ASPH: variants seen among roughly 807,000 people sequenced by gnomAD.
ASPH encodes the protein aspartate beta-hydroxylase.
ASPH carries 100 observed loss-of-function variants against 118.4 expected under a neutral mutation model. That is an observed-to-expected ratio of 0.84 (90% CI 0.72 to 1.00). The LOEUF (loss-of-function observed/expected upper bound fraction) is 1.00. ASPH is among the 50% of genes least tolerant of loss of function. The pLI is 0.00. For synonymous variants in ASPH, 315 were observed against 325.6 expected, an observed-to-expected ratio of 0.97 and a Z score of 0.35; for missense variants, 920 against 919.5, an observed-to-expected ratio of 1.00 and a Z score of -0.01.
rs71525458 is a variant in ASPH at position 61,598,202 on chromosome 8, C to G, written c.977-14173G>C. On this transcript the variant is annotated intron_variant, in intron 14 of 24. Coordinates refer to ENST00000379454, the MANE Select transcript of ASPH (RefSeq NM_004318.4). ...TATAATCTGGATAAACTGATAAAAA[C>G]ACATACCACAACTATATTCTGCCTA... is the stretch of plus-strand genomic sequence containing the variant. Among the ~76,000 whole-genome samples the G allele has an allele frequency of 4.5e-3, 686 of 152,188 alleles. 5 individuals carry two copies. Among genetic ancestry groups the G allele is most frequent in the Middle Eastern group, 0.014 (4 of 294 alleles).
chr8:61,564,161 C>A (rs2131588147), intron 17 of ASPH, among the ~76,000 whole-genome samples: 1 of 151,970 alleles, frequency 6.6e-6, no homozygotes, highest in East Asian at 1.9e-4. Flanking sequence ...TTAATGCATC[C>A]TTTTAAAAAA....
At chr8:61,561,519 A>G (rs949100409) in intron 18 of ASPH, among the ~76,000 whole-genome samples, 1 of 152,256 alleles carries the variant, frequency 6.6e-6, no homozygotes, top group Non-Finnish European at 1.5e-5. Flanking sequence ...TCACAATTCA[A>G]TGATTTTCAT....
chr8:61,520,957 G>T (rs1391323826), intron 22 of ASPH, among the ~76,000 whole-genome samples: 1 of 152,142 alleles, frequency 6.6e-6, no homozygotes, highest in Admixed American at 6.5e-5. Context: ...TTATCTTTCT[G>T]GTCTGTAAAC....
At chr8:61,641,529 C>A (rs111861335) in intron 10 of ASPH, among the ~76,000 whole-genome samples, 5 of 152,236 alleles carry the variant, frequency 3.3e-5, no homozygotes, top group African/African-American at 1.2e-4. Flanking sequence ...GGTCCAAATT[C>A]TTTAACTTTT....
intron 14 of ASPH, among the ~76,000 whole-genome samples, chr8:61,590,550 CTGTGTGTG>C (rs5891814): frequency 2.9e-4 from 43 of 146,792 alleles, no homozygotes; most frequent in East Asian, 2.0e-3. Context: ...TAATTTAACT[CTGTGTGTG>C]TGTGTGTGTG....
chr8:61,555,865 T>G, intron 19 of ASPH, 59 bp downstream of exon 19: 1 of 1,429,142 alleles, frequency 7.0e-7, no homozygotes, highest in Non-Finnish European at 9.8e-7. Context: ...TAAGCAAGTG[T>G]GTCCCAATAA....
intron 22 of ASPH, among the ~76,000 whole-genome samples, chr8:61,522,727 C>T (rs1813591858): frequency 6.6e-6 from 1 of 152,120 alleles, no homozygotes; most frequent in Non-Finnish European, 1.5e-5. Context: ...TGAGGCCTCC[C>T]CAGTCATGTG....
intron 16 of ASPH, among the ~76,000 whole-genome samples, chr8:61,573,928 G>C (rs78837892): frequency 6.6e-6 from 1 of 151,904 alleles, no homozygotes; most frequent in East Asian, 1.9e-4. Flanking sequence ...CAGAATGGGA[G>C]AAAATTTTTG....
intron 18 of ASPH, among the ~76,000 whole-genome samples, chr8:61,562,505 A>C (rs1563828181): frequency 6.6e-6 from 1 of 152,228 alleles, no homozygotes; most frequent in East Asian, 1.9e-4. Context: ...ATGAAGTTTT[A>C]AAAGAATCAC....
Position 61,553,131 on chromosome 8 carries a change from G to T in ASPH, c.1537-11C>A. 2 of 1,591,906 alleles carry T rather than the reference G, an allele frequency of 1.3e-6. No homozygotes were observed. The highest frequency in any genetic ancestry group is 1.7e-6 in the Non-Finnish European group (2 of 1,160,156). On this transcript the variant is annotated splice_polypyrimidine_tract_variant and intron_variant, in intron 19 of 24. Coordinates refer to ENST00000379454, the MANE Select transcript of ASPH (RefSeq NM_004318.4). ...GGATTCTATTCCTTCCTGTAGAAAG[G>T]ACAGTGTTAGTATGGGTAAAATAAT...
chr8:61,622,362 A>G (rs1205594268), intron 13 of ASPH, among the ~76,000 whole-genome samples: 1 of 152,144 alleles, frequency 6.6e-6, no homozygotes, highest in African/African-American at 2.4e-5. Context: ...AACAAACAAA[A>G]AACAGATATA....
chr8:61,519,807 A>G (rs1276780716), intron 22 of ASPH, among the ~76,000 whole-genome samples: 1 of 152,210 alleles, frequency 6.6e-6, no homozygotes, highest in Non-Finnish European at 1.5e-5. Context: ...TGGAGACTCC[A>G]GAGGGAATAC....
intron 20 of ASPH, among the ~76,000 whole-genome samples, chr8:61,550,667 C>T (rs1825687615): frequency 6.6e-6 from 1 of 152,138 alleles, no homozygotes; most frequent in Non-Finnish European, 1.5e-5. Context: ...CTGCAACTTG[C>T]CTAAGGATTG....
At chr8:61,712,228 T>A (rs1436777377) in intron 1 of ASPH, among the ~76,000 whole-genome samples, 3 of 152,190 alleles carry the variant, frequency 2.0e-5, no homozygotes, top group African/African-American at 7.2e-5. Flanking sequence ...AGGAAATGGT[T>A]CGCACAACGT....
intron 3 of ASPH, chr8:61,661,981 C>A (rs1588862804): frequency 2.4e-6 from 1 of 419,612 alleles, no homozygotes; most frequent in South Asian, 7.3e-5. Context: ...AGAGTGGCTA[C>A]CAATGACGTT....
Position 61,681,009 on chromosome 8 carries a change from C to G in ASPH, c.281G>C (p.Gly94Ala). The G allele has an allele frequency of 6.2e-7, 1 of 1,604,956 alleles. No individual in the cohort carries two copies. The highest frequency in any genetic ancestry group is 8.5e-7 in the Non-Finnish European group (1 of 1,175,238). Reference protein sequence around the residue: ...LGKLGIYDADGDGDFDVDDAK... With the variant: ...LGKLGIYDADADGDFDVDDAK... ...ATCATCCACATCAAAATCTCCATCACCATCAGCATCATAGATTCCTAGTTT... is the reference window on the plus strand; with the variant it reads ...ATCATCCACATCAAAATCTCCATCAGCATCAGCATCATAGATTCCTAGTTT... Residue 94 changes from glycine (G) to alanine (A), a missense_variant, in exon 3 of 25, where the codon GGT becomes GCT. Coordinates refer to ENST00000379454, the MANE Select transcript of ASPH (RefSeq NM_004318.4).
intron 1 of ASPH, among the ~76,000 whole-genome samples, chr8:61,704,532 A>G (rs970454289): frequency 6.6e-6 from 1 of 152,100 alleles, no homozygotes; most frequent in Non-Finnish European, 1.5e-5. Flanking sequence ...AAATATCAGC[A>G]TTAAAAATAA....
At chr8:61,665,712 A>C (rs561784564) in intron 3 of ASPH, 1 of 1,189,166 alleles carries the variant, frequency 8.4e-7, no homozygotes, top group East Asian at 2.5e-5. Context: ...CTCCACACAC[A>C]GGAAATGCAC....
intron 14 of ASPH, among the ~76,000 whole-genome samples, chr8:61,602,984 G>A (rs2133532815): frequency 6.6e-6 from 1 of 152,114 alleles, no homozygotes; most frequent in Admixed American, 6.5e-5. Flanking sequence ...CTTGGGGTCA[G>A]GAGTTCGAGA....
Sources: gnomAD v4.1 joint callset for allele counts (sites outside exome capture counted in the v4.1 genomes callset) on GRCh38, gnomAD v4.1.1 for gene constraint, MANE v1.5 for transcripts, NCBI Gene and HGNC (gene_info 2026-07-23, HGNC 2026-07-21) for gene names.